CTNNA3: variants seen among roughly 807,000 people sequenced by gnomAD.
CTNNA3 encodes the protein catenin alpha-3.
A neutral mutation model predicts 95.7 loss-of-function variants in CTNNA3; 76 were observed. The ratio of observed to expected loss-of-function variants is 0.79; its 90% confidence interval spans 0.66 to 0.96. The LOEUF (loss-of-function observed/expected upper bound fraction) is 0.96. Ranked by LOEUF, CTNNA3 falls within the 40% of genes least tolerant of loss-of-function variation. The pLI, the probability that CTNNA3 is intolerant of heterozygous loss-of-function variation, is 0.00. For synonymous variants in CTNNA3, 431 were observed against 374.4 expected (o/e 1.15, Z -1.74); for missense variants, 1,191 against 1,089.8 (o/e 1.09, Z -1.31).
chr10:66,369,498 T>G (rs1383970978), intron 12 of CTNNA3, among the ~76,000 whole-genome samples: 4 of 152,146 alleles, frequency 2.6e-5, no homozygotes, highest in African/African-American at 9.7e-5. Flanking sequence ...TATCTAGTGT[T>G]TACAGTTTTT....
intron 12 of CTNNA3, among the ~76,000 whole-genome samples, chr10:66,331,120 C>T (rs914490426): frequency 9.9e-5 from 15 of 151,830 alleles, no homozygotes; most frequent in African/African-American, 2.2e-4. Context: ...CTTTTGGTGT[C>T]TTAGACATGA....
chr10:67,486,262 TG>T (rs1304979819), intron 5 of CTNNA3, among the ~76,000 whole-genome samples: 1 of 152,226 alleles, frequency 6.6e-6, no homozygotes, highest in Non-Finnish European at 1.5e-5. Context: ...AAGGTCTTTT[TG>T]TATATGTCAC....
chr10:67,646,912 A>G (rs73270157), intron 2 of CTNNA3, among the ~76,000 whole-genome samples: 20,227 of 152,100 alleles, frequency 0.13, 2,416 homozygotes, highest in African/African-American at 0.32. Flanking sequence ...TCACCTTATG[A>G]AAGACTTCAT....
intron 7 of CTNNA3, among the ~76,000 whole-genome samples, chr10:66,906,434 A>T (rs139423078): frequency 8.3e-4 from 126 of 152,230 alleles, no homozygotes; most frequent in African/African-American, 2.9e-3. Flanking sequence ...AGGACAAATA[A>T]CCCAGTTTCT....
chr10:66,650,852 G>A (rs1392110194), intron 9 of CTNNA3, among the ~76,000 whole-genome samples: 1 of 152,148 alleles, frequency 6.6e-6, no homozygotes, highest in Non-Finnish European at 1.5e-5. Flanking sequence ...GCTCATAAAG[G>A]CGGTGCAGAC....
At chr10:66,887,785 A>G (rs1845100360) in intron 7 of CTNNA3, among the ~76,000 whole-genome samples, 1 of 152,168 alleles carries the variant, frequency 6.6e-6, no homozygotes, top group Non-Finnish European at 1.5e-5. Flanking sequence ...ACCAGAGGAA[A>G]AGATCCTAGG....
chr10:67,704,130 T>C (rs1428361397), intron 1 of CTNNA3, among the ~76,000 whole-genome samples: 1 of 152,102 alleles, frequency 6.6e-6, no homozygotes, highest in Admixed American at 6.5e-5. Context: ...TAAAAGAGGA[T>C]ACAAACAAAT....
chr10:67,111,792 A>T (rs1858920032), intron 7 of CTNNA3, among the ~76,000 whole-genome samples: 1 of 152,080 alleles, frequency 6.6e-6, no homozygotes, highest in Non-Finnish European at 1.5e-5. Flanking sequence ...ACTATAATTT[A>T]ATACATGCAA....
At chr10:67,184,231 C>CT (rs1862726090) in intron 6 of CTNNA3, among the ~76,000 whole-genome samples, 1 of 152,184 alleles carries the variant, frequency 6.6e-6, no homozygotes. Context: ...ATCCCAAACA[C>CT]TATTACCATG....
chr10:67,440,670 G>A (rs957655067), intron 5 of CTNNA3, among the ~76,000 whole-genome samples: 12 of 152,122 alleles, frequency 7.9e-5, no homozygotes, highest in African/African-American at 2.9e-4. Context: ...GAAAGTAAGA[G>A]AAGAGAACAA....
At chr10:66,138,359 A>G (rs1247867561) in intron 13 of CTNNA3, among the ~76,000 whole-genome samples, 1 of 152,214 alleles carries the variant, frequency 6.6e-6, no homozygotes, top group Admixed American at 6.5e-5. Flanking sequence ...CAAACTTTGA[A>G]TACTGACTAT....
At chr10:67,325,875 G>A (rs1440328671) in intron 5 of CTNNA3, among the ~76,000 whole-genome samples, 1 of 152,086 alleles carries the variant, frequency 6.6e-6, no homozygotes, top group Non-Finnish European at 1.5e-5. Flanking sequence ...AAGATTCTTT[G>A]AAGGTCTCTA....
intron 9 of CTNNA3, among the ~76,000 whole-genome samples, chr10:66,682,405 A>G (rs1218418527): frequency 1.3e-5 from 2 of 152,218 alleles, no homozygotes; most frequent in African/African-American, 4.8e-5. Flanking sequence ...CAACACAAAC[A>G]TAGAGGCCAT....
intron 5 of CTNNA3, among the ~76,000 whole-genome samples, chr10:67,516,940 T>C (rs1222008258): frequency 1.3e-5 from 2 of 152,224 alleles, no homozygotes; most frequent in African/African-American, 4.8e-5. Context: ...ATTTCCTTCC[T>C]TTTTAAGGCT....
intron 16 of CTNNA3, among the ~76,000 whole-genome samples, chr10:65,971,519 G>C (rs1379496422): frequency 6.6e-6 from 1 of 150,994 alleles, no homozygotes; most frequent in African/African-American, 2.4e-5. Flanking sequence ...AAATACAAAA[G>C]AGCCTCAGAA....
intron 13 of CTNNA3, among the ~76,000 whole-genome samples, chr10:66,160,508 T>G (rs1564714187): frequency 6.6e-6 from 1 of 152,160 alleles, no homozygotes; most frequent in East Asian, 1.9e-4. Context: ...CCTTTTGGAG[T>G]TGATTTCCAG....
intron 10 of CTNNA3, among the ~76,000 whole-genome samples, chr10:66,620,105 T>C (rs1844691666): frequency 6.6e-6 from 1 of 152,160 alleles, no homozygotes; most frequent in Non-Finnish European, 1.5e-5. Context: ...CTTTACTCTT[T>C]TAACAACATA....
intron 7 of CTNNA3, among the ~76,000 whole-genome samples, chr10:67,134,539 T>C (rs922600997): frequency 2.6e-5 from 4 of 152,126 alleles, no homozygotes; most frequent in Non-Finnish European, 5.9e-5. Context: ...CTGGAGCTGG[T>C]GGATTCCTCA....
intron 5 of CTNNA3, among the ~76,000 whole-genome samples, chr10:67,306,879 G>A (rs948600093): frequency 3.3e-5 from 5 of 152,168 alleles, no homozygotes; most frequent in African/African-American, 1.2e-4. Context: ...TTCCTGGGAA[G>A]AGTATTCCAG....
Sources: allele counts gnomAD v4.1 joint callset (sites outside exome capture counted in the v4.1 genomes callset), GRCh38; gene constraint gnomAD v4.1.1; transcripts MANE v1.5; gene names NCBI Gene and HGNC (gene_info 2026-07-23, HGNC 2026-07-21).